The following PPARGC1A variants were observed in gnomAD, a reference collection of about 807,000 sequenced individuals.
The protein encoded by PPARGC1A is peroxisome proliferator-activated receptor gamma coactivator 1-alpha.
In PPARGC1A, 25 loss-of-function variants were observed where a neutral mutation model predicts 88.7. The ratio of observed to expected loss-of-function variants is 0.28; its 90% CI spans 0.21 to 0.39. PPARGC1A has a LOEUF of 0.39. Ranked by LOEUF, PPARGC1A falls within the 10% of genes least tolerant of loss-of-function variation. The pLI is 1.00. For synonymous variants in PPARGC1A, 363 were observed against 355.6 expected, an observed-to-expected ratio of 1.02 and a Z score of -0.24; for missense variants, 880 against 968.7, an observed-to-expected ratio of 0.91 and a Z score of 1.22.
the PPARGC1A span, among the ~76,000 whole-genome samples, chr4:24,005,669 G>A: frequency 2.6e-5 from 4 of 152,146 alleles, no homozygotes; most frequent in Admixed American, 2.6e-4. Context: ...GGAAAGGATT[G>A]AGGTGAAAAG....
the PPARGC1A span, among the ~76,000 whole-genome samples, chr4:23,980,245 A>T: frequency 2.0e-5 from 3 of 151,400 alleles, no homozygotes; most frequent in Non-Finnish European, 4.4e-5. Context: ...TTTTCTTCCA[A>T]ACTTGTATTT....
the PPARGC1A span, among the ~76,000 whole-genome samples, chr4:24,122,651 A>C: frequency 5.3e-5 from 8 of 152,124 alleles, no homozygotes; most frequent in East Asian, 5.8e-4. Flanking sequence ...AGCCTAGGAC[A>C]TGGAAATGGG....
At chr4:23,868,129 C>T (rs1249957406) in intron 2 of PPARGC1A, among the ~76,000 whole-genome samples, 1 of 152,126 alleles carries the variant, frequency 6.6e-6, no homozygotes, top group East Asian at 1.9e-4. Flanking sequence ...GAGCCCTTTC[C>T]TCTTCTCGGG....
chr4:23,913,259 TATATATATAG>T, the PPARGC1A span, among the ~76,000 whole-genome samples: 132 of 49,006 alleles, frequency 2.7e-3, no homozygotes, highest in Middle Eastern at 8.5e-3. Context: ...TATATATATA[TATATATATAG>T]AGAGAGAGAG....
the PPARGC1A span, among the ~76,000 whole-genome samples, chr4:24,106,795 C>T: frequency 6.6e-6 from 1 of 152,228 alleles, no homozygotes; most frequent in African/African-American, 2.4e-5. Context: ...TCCTTGCTCA[C>T]ATGACCTGCC....
At chr4:24,031,228 G>T in the PPARGC1A span, among the ~76,000 whole-genome samples, 1 of 152,112 alleles carries the variant, frequency 6.6e-6, no homozygotes. Context: ...CACAAGAATC[G>T]AATCACTTGC....
chr4:23,832,879 G>A (rs1725296789), intron 2 of PPARGC1A, among the ~76,000 whole-genome samples: 1 of 146,472 alleles, frequency 6.8e-6, no homozygotes, highest in Non-Finnish European at 1.5e-5. Context: ...CAAAGTGCTG[G>A]GATTACCGGC....
the PPARGC1A span, among the ~76,000 whole-genome samples, chr4:24,314,543 A>G: frequency 6.6e-6 from 1 of 152,180 alleles, no homozygotes; most frequent in South Asian, 2.1e-4. Flanking sequence ...TATTGTTTAC[A>G]AATCACCCAG....
chr4:24,311,226 A>C, the PPARGC1A span, among the ~76,000 whole-genome samples: 4 of 146,396 alleles, frequency 2.7e-5, no homozygotes, highest in East Asian at 2.1e-4. Context: ...CAGCCTCCAG[A>C]GTAGCTGGGA....
chr4:24,447,908 A>G, the PPARGC1A span, among the ~76,000 whole-genome samples: 1 of 152,206 alleles, frequency 6.6e-6, no homozygotes, highest in African/African-American at 2.4e-5. Context: ...GTTCTGCTCC[A>G]TAACTAACAA....
At chr4:23,801,616 T>A in intron 12 of PPARGC1A, 114 bp downstream of exon 12, 1 of 1,157,386 alleles carries the variant, frequency 8.6e-7, no homozygotes, top group Non-Finnish European at 1.2e-6. Flanking sequence ...ATTCAAACAT[T>A]CCCTTTAGTA....
chr4:24,155,821 G>A, the PPARGC1A span, among the ~76,000 whole-genome samples: 5 of 152,072 alleles, frequency 3.3e-5, no homozygotes, highest in Non-Finnish European at 7.4e-5. Flanking sequence ...AGTCCTGAGC[G>A]AACCATAATG....
the PPARGC1A span, among the ~76,000 whole-genome samples, chr4:24,245,584 T>A: frequency 6.6e-6 from 1 of 152,176 alleles, no homozygotes; most frequent in Admixed American, 6.5e-5. Flanking sequence ...TTGAGGCACA[T>A]TTGCAACTTA....
the PPARGC1A span, among the ~76,000 whole-genome samples, chr4:24,431,058 G>C: frequency 6.6e-6 from 1 of 150,564 alleles, no homozygotes; most frequent in Non-Finnish European, 1.5e-5. Flanking sequence ...CCGGGAGGTG[G>C]AGGTTGTGGT....
chr4:24,283,210 G>C, the PPARGC1A span, among the ~76,000 whole-genome samples: 1 of 152,020 alleles, frequency 6.6e-6, no homozygotes, highest in African/African-American at 2.4e-5. Flanking sequence ...GATTGTTCTC[G>C]ACCACCAAGG....
chr4:24,111,789 G>A, the PPARGC1A span, among the ~76,000 whole-genome samples: 8 of 152,136 alleles, frequency 5.3e-5, no homozygotes, highest in African/African-American at 1.4e-4. Context: ...AGAGTTAATT[G>A]CCTTCTAAAA....
At chr4:23,827,738 A>C (rs1231698913) in intron 5 of PPARGC1A, among the ~76,000 whole-genome samples, 1 of 152,220 alleles carries the variant, frequency 6.6e-6, no homozygotes, top group Non-Finnish European at 1.5e-5. Flanking sequence ...AAATAGAAAG[A>C]AAACAATCAG....
At chr4:24,162,619 T>C in the PPARGC1A span, among the ~76,000 whole-genome samples, 1 of 150,996 alleles carries the variant, frequency 6.6e-6, no homozygotes, top group Non-Finnish European at 1.5e-5. Flanking sequence ...GAGATGGAAT[T>C]TCATTCTTGT....
At chr4:24,358,538 C>T in the PPARGC1A span, among the ~76,000 whole-genome samples, 2 of 152,220 alleles carry the variant, frequency 1.3e-5, no homozygotes, top group Non-Finnish European at 2.9e-5. Context: ...GAAATGTCCT[C>T]AGTATCACTT....
Sources: gnomAD v4.1 joint callset for allele counts (sites outside exome capture counted in the v4.1 genomes callset) on GRCh38, gnomAD v4.1.1 for gene constraint, MANE v1.5 for transcripts, NCBI Gene and HGNC (gene_info 2026-07-23, HGNC 2026-07-21) for gene names.